PTPRT: variants seen among roughly 807,000 people sequenced by gnomAD.
PTPRT encodes receptor-type tyrosine-protein phosphatase T.
In PTPRT, 56 loss-of-function variants were observed where a neutral mutation model predicts 176.8. The ratio of observed to expected loss-of-function variants is 0.32; its 90% CI spans 0.26 to 0.40. The LOEUF is 0.40. Among genes scored for constraint, PTPRT ranks in the 10% least tolerant of loss-of-function variants. The pLI is 1.00. For synonymous variants in PTPRT, 783 were observed against 739.0 expected, an observed-to-expected ratio of 1.06 and a Z score of -0.96; for missense variants, 1,540 against 1,908.2, an observed-to-expected ratio of 0.81 and a Z score of 3.60.
chr20:42,894,175 T>C (rs1225983482), intron 1 of PTPRT, among the ~76,000 whole-genome samples: 2 of 152,100 alleles, frequency 1.3e-5, no homozygotes, highest in East Asian at 1.9e-4. Flanking sequence ...GAAGAGTAAG[T>C]TGAGACCACG....
intron 1 of PTPRT, among the ~76,000 whole-genome samples, chr20:43,009,455 C>T (rs535384058): frequency 5.3e-5 from 8 of 152,128 alleles, no homozygotes; most frequent in African/African-American, 1.2e-4. Flanking sequence ...TGTTGAAAGA[C>T]GGTAGAGACA....
chr20:42,767,316 G>C (rs1360590065), intron 5 of PTPRT, among the ~76,000 whole-genome samples: 2 of 152,086 alleles, frequency 1.3e-5, no homozygotes, highest in Non-Finnish European at 2.9e-5. Flanking sequence ...AGCGTGAATG[G>C]GCACCATCCA....
At chr20:42,863,431 A>C (rs1195673638) in intron 2 of PTPRT, among the ~76,000 whole-genome samples, 1 of 152,198 alleles carries the variant, frequency 6.6e-6, no homozygotes, top group Non-Finnish European at 1.5e-5. Flanking sequence ...AGAGCAGGGA[A>C]GGATGGTCTA....
chr20:42,514,501 T>G (rs192305817), intron 7 of PTPRT, among the ~76,000 whole-genome samples: 83 of 152,340 alleles, frequency 5.4e-4, no homozygotes, highest in Admixed American at 2.2e-3. Context: ...AGATACTTAT[T>G]TGTTGCTGGC....
intron 1 of PTPRT, among the ~76,000 whole-genome samples, chr20:42,905,840 TCTCA>T (rs976721386): frequency 1.4e-5 from 2 of 147,166 alleles, no homozygotes; most frequent in African/African-American, 5.1e-5. Flanking sequence ...CACCGCATAC[TCTCA>T]CTCATAGGTG....
At chr20:42,816,440 C>A (rs575258407) in intron 2 of PTPRT, among the ~76,000 whole-genome samples, 1 of 152,236 alleles carries the variant, frequency 6.6e-6, no homozygotes, top group African/African-American at 2.4e-5. Context: ...AATCATTAAA[C>A]TGACTGATAT....
chr20:42,939,216 T>C (rs897506859), intron 1 of PTPRT, among the ~76,000 whole-genome samples: 17 of 152,208 alleles, frequency 1.1e-4, no homozygotes, highest in African/African-American at 4.1e-4. Flanking sequence ...TCAATTTCAA[T>C]GGGATGTCAA....
chr20:42,435,238 C>A (rs757589868), intron 9 of PTPRT, among the ~76,000 whole-genome samples: 1 of 152,084 alleles, frequency 6.6e-6, no homozygotes, highest in Non-Finnish European at 1.5e-5. Context: ...TCCCTTGGCA[C>A]TTACAATATA....
chr20:42,883,716 A>T (rs1486331911), intron 2 of PTPRT, among the ~76,000 whole-genome samples: 2 of 135,672 alleles, frequency 1.5e-5, no homozygotes, highest in South Asian at 2.6e-4. Flanking sequence ...CCCCATACAC[A>T]CACACCCATA....
At chr20:42,631,241 C>T (rs1291591910) in intron 7 of PTPRT, among the ~76,000 whole-genome samples, 1 of 152,082 alleles carries the variant, frequency 6.6e-6, no homozygotes, top group Non-Finnish European at 1.5e-5. Flanking sequence ...TCTCTACCAC[C>T]TGGTGATGAA....
the PTPRT span, among the ~76,000 whole-genome samples, chr20:42,058,712 C>T: frequency 6.6e-6 from 1 of 152,182 alleles, no homozygotes; most frequent in East Asian, 1.9e-4. Flanking sequence ...AATCTTTCTC[C>T]AAACGAATGG....
intron 1 of PTPRT, among the ~76,000 whole-genome samples, chr20:43,187,068 G>C (rs1197365824): frequency 6.6e-6 from 1 of 152,054 alleles, no homozygotes; most frequent in Admixed American, 6.5e-5. Context: ...AAAAACCGTC[G>C]TGGCTCAAGA....
intron 7 of PTPRT, among the ~76,000 whole-genome samples, chr20:42,527,951 C>A (rs1490327977): frequency 6.6e-6 from 1 of 152,180 alleles, no homozygotes; most frequent in African/African-American, 2.4e-5. Context: ...AATATAGAAT[C>A]TTTTAAAATG....
At chr20:42,923,770 GC>G (rs1979308547) in intron 1 of PTPRT, among the ~76,000 whole-genome samples, 1 of 152,188 alleles carries the variant, frequency 6.6e-6, no homozygotes, top group African/African-American at 2.4e-5. Flanking sequence ...GATGGCCAGG[GC>G]CTCTTGGGCC....
chr20:42,820,274 C>G (rs1314892647), intron 2 of PTPRT, among the ~76,000 whole-genome samples: 1 of 152,164 alleles, frequency 6.6e-6, no homozygotes, highest in Non-Finnish European at 1.5e-5. Context: ...TCACTGAAAA[C>G]CACACAATTA....
intron 11 of PTPRT, among the ~76,000 whole-genome samples, chr20:42,345,582 A>ATGTGTGTGTGTGTG (rs56310086): frequency 1.1e-5 from 1 of 94,644 alleles, no homozygotes; most frequent in African/African-American, 3.1e-5. Flanking sequence ...ATACATATAT[A>ATGTGTGTGTGTGTG]TGTGTGTGTG....
intron 1 of PTPRT, among the ~76,000 whole-genome samples, chr20:43,017,727 C>T (rs1985445631): frequency 6.6e-6 from 1 of 152,208 alleles, no homozygotes; most frequent in African/African-American, 2.4e-5. Context: ...CAAATCTGCA[C>T]CATCTGCCAG....
At chr20:42,377,917 G>GCA (rs2058666272) in intron 9 of PTPRT, among the ~76,000 whole-genome samples, 1 of 152,174 alleles carries the variant, frequency 6.6e-6, no homozygotes, top group South Asian at 2.1e-4. Context: ...GAATACAGCA[G>GCA]GAGCACCAAT....
At chr20:42,578,214 T>G (rs757504072) in intron 7 of PTPRT, among the ~76,000 whole-genome samples, 10 of 152,044 alleles carry the variant, frequency 6.6e-5, no homozygotes, top group African/African-American at 9.7e-5. Flanking sequence ...TCCCTGGCCT[T>G]TCTGGAAGCA....
Sources: allele counts gnomAD v4.1 joint callset (sites outside exome capture counted in the v4.1 genomes callset), GRCh38; gene constraint gnomAD v4.1.1; transcripts MANE v1.5; gene names NCBI Gene and HGNC (gene_info 2026-07-23, HGNC 2026-07-21).